WDR47: variants seen among roughly 807,000 people sequenced by gnomAD.
WDR47 encodes WD repeat domain 47.
Under a neutral mutation model 97.2 loss-of-function variants are expected in WDR47, and 32 were observed. The observed-to-expected ratio is 0.33, with a 90% CI of 0.25 to 0.44. The LOEUF (loss-of-function observed/expected upper bound fraction) is 0.44. WDR47 is among the 20% of genes least tolerant of loss of function. The probability of loss-of-function intolerance (pLI) is 1.00; values close to 1 mark genes in which losing one functional copy is unlikely to be tolerated. For missense variants in WDR47, 782 were observed against 1,102.3 expected (o/e 0.71, Z 4.11); for synonymous variants, 375 against 373.5 (o/e 1.00, Z -0.05).
At chr1:109,037,769 T>A (rs1663064064) in intron 1 of WDR47, among the ~76,000 whole-genome samples, 1 of 152,148 alleles carries the variant, frequency 6.6e-6, no homozygotes, top group African/African-American at 2.4e-5. Context: ...TTATTTGAGT[T>A]ACATATGTCA....
At chr1:109,000,508 CAAAA>C (rs71069634) in intron 7 of WDR47, among the ~76,000 whole-genome samples, 1 of 70,510 alleles carries the variant, frequency 1.4e-5, no homozygotes, top group Non-Finnish European at 2.4e-5. Flanking sequence ...GACTCTGTCT[CAAAA>C]AAAAAAAAAA....
rs1659681342 is a variant in WDR47 at position 108,995,571 on chromosome 1, A to T, written c.1691+9T>A. The T allele has an allele frequency of 6.2e-7, 1 of 1,613,362 alleles. No individual in the cohort carries two copies. Among genetic ancestry groups the T allele is most frequent in the African/African-American group, 1.3e-5 (1 of 74,936 alleles). ...AATATTTCCAAGTTTTACAAAGTCAAGCACTTACATTTGGCTTCCACAAGG... is the reference window on the plus strand; with the variant it reads ...AATATTTCCAAGTTTTACAAAGTCATGCACTTACATTTGGCTTCCACAAGG... On this transcript the variant is annotated intron_variant, in intron 8 of 14. Transcript: ENST00000369962.
rs1176303008 is a variant in WDR47 at position 109,032,376 on chromosome 1, C to T, written c.-9-8855G>A. Among the ~76,000 whole-genome samples the T allele has an allele frequency of 5.2e-5, 7 of 134,848 alleles. 2 individuals are homozygous for T. In the Admixed American group the frequency reaches 5.7e-4, roughly 11 times the overall value. 88.5% of individuals were successfully genotyped at this position (134,848 alleles called of 152,430 possible). On this transcript the variant is annotated intron_variant, in intron 1 of 14. Transcript: ENST00000369962. ...ACAGAAGATTAGCCAGGCGTGGTGA[C>T]GGGCGCCTGTAGTCCCAGCTACTCG...
At chr1:108,983,559 A>G in intron 10 of WDR47, 108 bp from the exon 11 acceptor site, 2 of 909,234 alleles carry the variant, frequency 2.2e-6, no homozygotes, top group South Asian at 7.2e-5. Context: ...AGCGTGTCAG[A>G]CAACAGCTTA....
intron 7 of WDR47, among the ~76,000 whole-genome samples, chr1:109,000,015 G>T (rs1172841673): frequency 1.3e-5 from 2 of 152,140 alleles, no homozygotes; most frequent in Non-Finnish European, 2.9e-5. Context: ...TGGATGTTCA[G>T]AGGCCTATTT....
In WDR47 at chr1:109,015,033, G is replaced by C. The variant is rs151295631; in HGVS notation, c.243-1108C>G. ...AAAGTATGAAACCAATTGTACAAAA[G>C]AGGTGGAAAGTTAACAAAAAAAAGA... On this transcript the variant is annotated intron_variant, in intron 3 of 14. Coordinates refer to ENST00000369962, the MANE Select transcript of WDR47 (RefSeq NM_001142551.2). Among the ~76,000 whole-genome samples, 196 of 152,146 alleles carry C rather than the reference G, an allele frequency of 1.3e-3. 2 individuals carry two copies. The highest frequency in any genetic ancestry group is 4.6e-3 in the African/African-American group (193 of 41,548).
At chr1:108,981,409 C>T (rs1658338067) in intron 13 of WDR47, among the ~76,000 whole-genome samples, 2 of 152,096 alleles carry the variant, frequency 1.3e-5, no homozygotes, top group African/African-American at 2.4e-5. Context: ...GAAAATAGTA[C>T]ACTCTTTTGT....
At chr1:108,983,508 T>A in intron 10 of WDR47, 57 bp from the exon 11 acceptor site, 1 of 1,427,850 alleles carries the variant, frequency 7.0e-7, no homozygotes, top group Non-Finnish European at 9.3e-7. Context: ...CAATCAGTTA[T>A]GAGGTTCCAT....
intron 7 of WDR47, among the ~76,000 whole-genome samples, chr1:108,997,329 G>A (rs1659827396): frequency 6.6e-6 from 1 of 151,290 alleles, no homozygotes; most frequent in Non-Finnish European, 1.5e-5. Flanking sequence ...TATGGTCCTA[G>A]CTACTTGGAA....
At chr1:109,037,147 T>G (rs926635860) in intron 1 of WDR47, among the ~76,000 whole-genome samples, 1 of 148,096 alleles carries the variant, frequency 6.8e-6, no homozygotes, top group Non-Finnish European at 1.5e-5. Context: ...CTGACCAACA[T>G]GGAGAAACCC....
At chr1:109,014,204 T>A (rs1405290633) in intron 3 of WDR47, among the ~76,000 whole-genome samples, 1 of 152,104 alleles carries the variant, frequency 6.6e-6, no homozygotes, top group Non-Finnish European at 1.5e-5. Context: ...ATCCAAAATG[T>A]TTTGTTTACC....
chr1:108,997,416 G>A (rs1659834588), intron 7 of WDR47, among the ~76,000 whole-genome samples: 2 of 147,760 alleles, frequency 1.4e-5, no homozygotes, highest in South Asian at 2.1e-4. Flanking sequence ...GCAACAAAGT[G>A]AGATCCCATC....
intron 2 of WDR47, among the ~76,000 whole-genome samples, chr1:109,020,561 C>G (rs758148039): frequency 6.6e-6 from 1 of 151,930 alleles, no homozygotes; most frequent in African/African-American, 2.4e-5. Flanking sequence ...TGTGCCCAGC[C>G]GAACATATTT....
intron 1 of WDR47, among the ~76,000 whole-genome samples, chr1:109,033,969 G>T (rs920779602): frequency 5.9e-5 from 9 of 152,174 alleles, no homozygotes; most frequent in Admixed American, 2.0e-4. Context: ...CTTTTTGAGA[G>T]AATTTGACAG....
intron 1 of WDR47, among the ~76,000 whole-genome samples, chr1:109,026,925 A>G (rs181002744): frequency 6.6e-6 from 1 of 152,298 alleles, no homozygotes; most frequent in Admixed American, 6.5e-5. Context: ...GTTGAAGGTA[A>G]CAGAAAATAT....
chr1:109,023,064 G>A (rs142755625), intron 2 of WDR47, among the ~76,000 whole-genome samples: 1,638 of 151,574 alleles, frequency 0.011, 16 homozygotes, highest in Non-Finnish European at 0.016. Context: ...TTAGCTGGCC[G>A]TGGTGATGGG....
At chr1:108,974,450 A>G in intron 14 of WDR47, 86 bp downstream of exon 14, 1 of 1,013,720 alleles carries the variant, frequency 9.9e-7, no homozygotes, top group East Asian at 2.6e-5. Context: ...AAAGTATTAT[A>G]TAATCAACCA....
At chr1:108,993,208 C>T (rs1488183466) in intron 8 of WDR47, among the ~76,000 whole-genome samples, 1 of 151,924 alleles carries the variant, frequency 6.6e-6, no homozygotes, top group Admixed American at 6.6e-5. Context: ...ACCTGTAGTC[C>T]CAGCTAGTAG....
chr1:109,018,473 C>T (rs1661586343), intron 2 of WDR47, among the ~76,000 whole-genome samples: 1 of 150,758 alleles, frequency 6.6e-6, no homozygotes, highest in East Asian at 2.0e-4. Flanking sequence ...TTTAAAGTTC[C>T]TATATTTCCA....
Sources: gnomAD v4.1 joint callset for allele counts (sites outside exome capture counted in the v4.1 genomes callset) on GRCh38, gnomAD v4.1.1 for gene constraint, MANE v1.5 for transcripts, NCBI Gene and HGNC (gene_info 2026-07-23, HGNC 2026-07-21) for gene names.